The following TAF3 variants were observed in gnomAD, a reference collection of about 807,000 sequenced individuals.
The protein encoded by TAF3 is transcription initiation factor TFIID subunit 3.
A neutral mutation model predicts 80.6 loss-of-function variants in TAF3; 7 were observed. The ratio of observed to expected loss-of-function variants is 0.09; its 90% CI spans 0.05 to 0.16. TAF3 has a LOEUF of 0.16. Among genes scored for constraint, TAF3 ranks in the 10% least tolerant of loss-of-function variants. The probability of loss-of-function intolerance (pLI) is 1.00; values close to 1 mark genes in which losing one functional copy is unlikely to be tolerated. For synonymous variants in TAF3, 444 were observed against 446.1 expected, an observed-to-expected ratio of 1.00 and a Z score of 0.06; for missense variants, 921 against 1,140.2, an observed-to-expected ratio of 0.81 and a Z score of 2.77.
chr10:7,967,242 T>C (rs1471710223), intron 3 of TAF3, among the ~76,000 whole-genome samples: 1 of 152,192 alleles, frequency 6.6e-6, no homozygotes. Flanking sequence ...ATCCCTTGTG[T>C]ACCTAGTAAG....
intron 2 of TAF3, among the ~76,000 whole-genome samples, chr10:7,866,320 G>A (rs1456427608): frequency 6.6e-6 from 1 of 152,096 alleles, no homozygotes; most frequent in Admixed American, 6.5e-5. Context: ...ATCCAAATAA[G>A]AAGATGAGAG....
chr10:7,892,295 G>A lies in TAF3; in HGVS notation c.409+67735G>A, dbSNP rs570658952. ...GATTTAGCATGTGCTGCCTGTTGGG[G>A]GCTAGAAAGCATGCTCAGTGTGGGT... On this transcript the variant is annotated intron_variant, in intron 2 of 6. Coordinates refer to ENST00000344293, the MANE Select transcript of TAF3 (RefSeq NM_031923.4). Among the ~76,000 whole-genome samples the A allele has an allele frequency of 7.4e-4, 113 of 152,260 alleles. 1 individual carries two copies. In the South Asian group the frequency reaches 0.023, roughly 31 times the overall value.
intron 2 of TAF3, among the ~76,000 whole-genome samples, chr10:7,951,311 G>A (rs1838079347): frequency 1.3e-5 from 2 of 152,358 alleles, no homozygotes; most frequent in South Asian, 4.1e-4. Context: ...TTTGCATTTT[G>A]GGTTGGCTCA....
At chr10:7,858,929 T>C (rs1167186467) in intron 2 of TAF3, among the ~76,000 whole-genome samples, 1 of 152,176 alleles carries the variant, frequency 6.6e-6, no homozygotes, top group Non-Finnish European at 1.5e-5. Flanking sequence ...TTCAGCGTCT[T>C]CTGGGCTCTA....
At chr10:7,877,028 C>CTT (rs34794475) in intron 2 of TAF3, among the ~76,000 whole-genome samples, 4,479 of 145,364 alleles carry the variant, frequency 0.031, 97 homozygotes, top group Non-Finnish European at 0.047. Context: ...CTGCTCACTA[C>CTT]TTTTTTTTTT....
intron 4 of TAF3, among the ~76,000 whole-genome samples, chr10:7,989,770 T>C (rs539694976): frequency 6.6e-6 from 1 of 152,282 alleles, no homozygotes; most frequent in Non-Finnish European, 1.5e-5. Flanking sequence ...ATAAAACCCT[T>C]TGACCCCAGA....
At chr10:7,998,251 A>G (rs987765036) in intron 4 of TAF3, among the ~76,000 whole-genome samples, 1 of 105,154 alleles carries the variant, frequency 9.5e-6, no homozygotes, top group Non-Finnish European at 2.0e-5. Flanking sequence ...CTATATATAT[A>G]TATATATATA....
At chr10:7,870,582 G>A (rs941348145) in intron 2 of TAF3, among the ~76,000 whole-genome samples, 20 of 152,118 alleles carry the variant, frequency 1.3e-4, no homozygotes, top group African/African-American at 4.3e-4. Context: ...AGTGAAAAAT[G>A]GCGGTCTGTT....
chr10:7,924,974 A>T (rs1283036147), intron 2 of TAF3, among the ~76,000 whole-genome samples: 1 of 152,158 alleles, frequency 6.6e-6, no homozygotes, highest in Non-Finnish European at 1.5e-5. Context: ...CTACTGTTTC[A>T]TGCTGTTAAA....
chr10:7,961,996 C>A (rs532902004), intron 2 of TAF3, among the ~76,000 whole-genome samples: 1 of 152,048 alleles, frequency 6.6e-6, no homozygotes, highest in Non-Finnish European at 1.5e-5. Flanking sequence ...ACTACAGGCA[C>A]GCACCACAAC....
At chr10:7,975,165 T>G (rs1564375365) in intron 3 of TAF3, 1 of 232,120 alleles carries the variant, frequency 4.3e-6, no homozygotes, top group Admixed American at 5.5e-5. Context: ...AGAGAAAGCT[T>G]CTTTAGAAGA....
At chr10:7,834,999 G>C (rs779306877) in intron 2 of TAF3, among the ~76,000 whole-genome samples, 1 of 152,158 alleles carries the variant, frequency 6.6e-6, no homozygotes, top group Non-Finnish European at 1.5e-5. Context: ...AGGTTCATCA[G>C]TTTTTTCGAG....
chr10:7,870,692 G>C (rs1023563538), intron 2 of TAF3, among the ~76,000 whole-genome samples: 1 of 151,972 alleles, frequency 6.6e-6, no homozygotes, highest in Admixed American at 6.6e-5. Flanking sequence ...TTCTGAGTTC[G>C]CCTTCCTTCA....
intron 2 of TAF3, among the ~76,000 whole-genome samples, chr10:7,872,256 G>T (rs1290943770): frequency 9.0e-6 from 1 of 111,252 alleles, no homozygotes; most frequent in Non-Finnish European, 1.7e-5. Context: ...GTAGCTACCC[G>T]CTCCTCCGCC....
intron 2 of TAF3, among the ~76,000 whole-genome samples, chr10:7,901,753 C>G (rs1438816512): frequency 3.3e-5 from 5 of 152,174 alleles, no homozygotes; most frequent in Non-Finnish European, 5.9e-5. Flanking sequence ...TTCAGAAATA[C>G]AATGGTATTA....
intron 3 of TAF3, among the ~76,000 whole-genome samples, chr10:7,967,640 A>G (rs976419220): frequency 6.6e-6 from 1 of 152,248 alleles, no homozygotes; most frequent in Non-Finnish European, 1.5e-5. Flanking sequence ...ACCTGAGTTC[A>G]GATCCTGACT....
chr10:7,982,479 A>C (rs1275421694), intron 4 of TAF3, among the ~76,000 whole-genome samples: 1 of 151,966 alleles, frequency 6.6e-6, no homozygotes, highest in African/African-American at 2.4e-5. Context: ...GCTCACTGCA[A>C]CCTCCACCTC....
intron 2 of TAF3, among the ~76,000 whole-genome samples, chr10:7,869,829 G>A (rs1837248294): frequency 6.6e-6 from 1 of 152,130 alleles, no homozygotes; most frequent in African/African-American, 2.4e-5. Flanking sequence ...TGTCTTGCAT[G>A]CCTTTGATTA....
chr10:7,930,503 C>T (rs890380086), intron 2 of TAF3, among the ~76,000 whole-genome samples: 1 of 152,114 alleles, frequency 6.6e-6, no homozygotes, highest in Non-Finnish European at 1.5e-5. Flanking sequence ...ATGTTCAGTG[C>T]CTTTCTAAAG....
Sources: gnomAD v4.1 joint callset for allele counts (sites outside exome capture counted in the v4.1 genomes callset) on GRCh38, gnomAD v4.1.1 for gene constraint, MANE v1.5 for transcripts, NCBI Gene and HGNC (gene_info 2026-07-23, HGNC 2026-07-21) for gene names.